Variants in ALMS1 observed in about 807,000 individuals in gnomAD.
ALMS1 encodes ALMS1 centrosome and basal body associated protein, also known as centrosome-associated protein ALMS1.
ALMS1 carries 271 observed loss-of-function variants against 352.2 expected under a neutral mutation model. That is an observed-to-expected ratio of 0.77 (90% confidence interval 0.70 to 0.85). ALMS1 has a LOEUF of 0.85. Ranked by LOEUF, ALMS1 falls within the 40% of genes least tolerant of loss-of-function variation. The probability of loss-of-function intolerance (pLI) is 0.00; values close to 1 mark genes in which losing one functional copy is unlikely to be tolerated. For missense variants in ALMS1, 5,445 were observed against 4,870.7 expected (o/e 1.12, Z -3.51); for synonymous variants, 1,865 against 1,761.2 (o/e 1.06, Z -1.48).
In ALMS1 at chr2:73,454,077, A is replaced by G. The variant is rs2103794412; in HGVS notation, c.7540+10A>G. On this transcript the variant is annotated intron_variant, in intron 8 of 22. Coordinates refer to ENST00000613296, the MANE Select transcript of ALMS1 (RefSeq NM_001378454.1). ...CGGGTACGAGCACATGGTAAGAAGA[A>G]AGTTTCAGGCTTATAAACGTTATAG... 1.9e-6 allele frequency: 3 copies of G among 1,602,024 alleles called. No individual in the cohort carries two copies. The highest frequency in any genetic ancestry group is 2.6e-6 in the Non-Finnish European group (3 of 1,173,924).
intron 9 of ALMS1, among the ~76,000 whole-genome samples, chr2:73,476,264 G>A (rs558094867): frequency 1.3e-5 from 2 of 152,130 alleles, no homozygotes; most frequent in South Asian, 4.1e-4. Context: ...CATTGTATGT[G>A]TATGCCACAA....
chr2:73,606,558 G>T (rs1254037914), intron 21 of ALMS1, among the ~76,000 whole-genome samples: 1 of 152,166 alleles, frequency 6.6e-6, no homozygotes, highest in Admixed American at 6.5e-5. Context: ...CCCATCTTCT[G>T]GAGAGACTTT....
chr2:73,583,798 G>A (rs2104139063), intron 16 of ALMS1, among the ~76,000 whole-genome samples: 1 of 152,252 alleles, frequency 6.6e-6, no homozygotes, highest in Middle Eastern at 3.4e-3. Flanking sequence ...ATATATGCGA[G>A]AGTTTATTTC....
At chr2:73,600,941 A>T in intron 18 of ALMS1, 60 bp downstream of exon 18, 1 of 1,552,142 alleles carries the variant, frequency 6.4e-7, no homozygotes, top group African/African-American at 1.4e-5. Flanking sequence ...GTCCCCTGCG[A>T]TGCTGACTCT....
intron 11 of ALMS1, among the ~76,000 whole-genome samples, chr2:73,523,422 C>T (rs1673725640): frequency 6.6e-6 from 1 of 152,064 alleles, no homozygotes; most frequent in Non-Finnish European, 1.5e-5. Context: ...AAAATGTCAT[C>T]AGAATGATAG....
At chr2:73,492,786 C>G (rs1018402237) in intron 10 of ALMS1, among the ~76,000 whole-genome samples, 3 of 152,114 alleles carry the variant, frequency 2.0e-5, no homozygotes, top group East Asian at 1.9e-4. Context: ...CTCTGTCACC[C>G]AGGCCAGAGT....
intron 9 of ALMS1, among the ~76,000 whole-genome samples, chr2:73,476,473 G>C (rs890501385): frequency 1.3e-5 from 2 of 151,918 alleles, no homozygotes; most frequent in African/African-American, 4.8e-5. Flanking sequence ...AGGAAGCTCC[G>C]TACTGTTTTC....
chr2:73,439,623 C>T (rs1050469574), intron 7 of ALMS1, among the ~76,000 whole-genome samples: 59 of 151,848 alleles, frequency 3.9e-4, no homozygotes, highest in African/African-American at 1.4e-3. Context: ...TCACTGCAAC[C>T]TCCACCTCCC....
At chr2:73,427,587 A>G (rs180899305) in intron 6 of ALMS1, among the ~76,000 whole-genome samples, 96 of 152,106 alleles carry the variant, frequency 6.3e-4, no homozygotes, top group Admixed American at 2.0e-3. Flanking sequence ...TGCTGCACCT[A>G]TCAACCTGTC....
chr2:73,432,669 T>C (rs1250853584), intron 7 of ALMS1, among the ~76,000 whole-genome samples: 1 of 143,398 alleles, frequency 7.0e-6, no homozygotes, highest in African/African-American at 2.5e-5. Flanking sequence ...ATCCCAAACA[T>C]GTGGCCTGTG....
Position 73,419,118 on chromosome 2 carries a change from T to C in ALMS1, c.451-5T>C, listed in dbSNP as rs774098604. The C allele has an allele frequency of 5.0e-6, 8 of 1,612,088 alleles. No homozygotes were observed. The highest frequency in any genetic ancestry group is 6.8e-6 in the Non-Finnish European group (8 of 1,178,266). On this transcript the variant is annotated splice_region_variant and splice_polypyrimidine_tract_variant and intron_variant, in intron 2 of 22. Coordinates refer to ENST00000613296, the MANE Select transcript of ALMS1 (RefSeq NM_001378454.1). The stretch of plus-strand genomic sequence containing the variant: ...TTAGCATGTTTTCCTTTAACATTTT[T>C]CTAGAAAACAGAATCTTGGCATTGT...
chr2:73,453,147 A>G lies in ALMS1; in HGVS notation c.6620A>G (p.Asp2207Gly), dbSNP rs756953806. The change falls in exon 8 of 23, where the codon GAT becomes GGT. Residue 2207 changes from aspartate to glycine, a missense_variant. Asp to Gly is a moderately conservative substitution (Grantham distance 94, BLOSUM62 -1). Transcript: ENST00000613296. ...TCAGAACATGTCCAAAGGCTAATAG[A>G]TAATTTGAATTCTTCTGACTCCAGT... The part of the protein sequence containing the change: ...LVSEHVQRLI[D>G]NLNSSDSSVS... 1.9e-6 allele frequency: 3 copies of G among 1,614,070 alleles called. No individual in the cohort carries two copies. The highest frequency in any genetic ancestry group is 2.5e-6 in the Non-Finnish European group (3 of 1,179,974).
chr2:73,511,052 A>G (rs1168062900), intron 10 of ALMS1, among the ~76,000 whole-genome samples: 1 of 152,128 alleles, frequency 6.6e-6, no homozygotes, highest in Non-Finnish European at 1.5e-5. Context: ...AAGCTTGAAT[A>G]TCCTAGGTCG....
intron 16 of ALMS1, among the ~76,000 whole-genome samples, chr2:73,592,237 C>T (rs2104166050): frequency 6.6e-6 from 1 of 152,296 alleles, no homozygotes; most frequent in Admixed American, 6.5e-5. Flanking sequence ...ACCACACTGG[C>T]AGAAATAGAT....
intron 9 of ALMS1, among the ~76,000 whole-genome samples, chr2:73,461,952 A>T (rs1158554371): frequency 1.3e-5 from 2 of 152,106 alleles, no homozygotes; most frequent in Non-Finnish European, 2.9e-5. Flanking sequence ...ATATGGGACT[A>T]TGTGAAAAGA....
chr2:73,550,212 T>G, intron 12 of ALMS1, 55 bp from the exon 13 acceptor site: 1 of 1,602,424 alleles, frequency 6.2e-7, no homozygotes, highest in Non-Finnish European at 8.5e-7. Flanking sequence ...TAAAAAGTCT[T>G]TCTCAATCTC....
At chr2:73,412,810 AAAAAC>A (rs1671105658) in intron 2 of ALMS1, among the ~76,000 whole-genome samples, 1 of 152,062 alleles carries the variant, frequency 6.6e-6, no homozygotes, top group Non-Finnish European at 1.5e-5. Context: ...ACAAAAAACA[AAAAAC>A]AAAACCCTAG....
At chr2:73,537,414 G>A (rs1674051838) in intron 12 of ALMS1, among the ~76,000 whole-genome samples, 1 of 152,160 alleles carries the variant, frequency 6.6e-6, no homozygotes, top group Non-Finnish European at 1.5e-5. Context: ...AGAAGAAAAG[G>A]GAAGGCTAAG....
At chr2:73,440,057 T>C (rs543245166) in intron 7 of ALMS1, among the ~76,000 whole-genome samples, 1 of 152,120 alleles carries the variant, frequency 6.6e-6, no homozygotes, top group African/African-American at 2.4e-5. Context: ...CTCGGCTCAC[T>C]GCAAGCTCCG....
Sources: gnomAD v4.1 joint callset for allele counts (sites outside exome capture counted in the v4.1 genomes callset) on GRCh38, gnomAD v4.1.1 for gene constraint, MANE v1.5 for transcripts, NCBI Gene and HGNC (gene_info 2026-07-23, HGNC 2026-07-21) for gene names.